CAST: variants seen among roughly 807,000 people sequenced by gnomAD.
CAST encodes the protein MIR583 host.
Under a neutral mutation model 119.6 loss-of-function variants are expected in CAST, and 76 were observed. The ratio of observed to expected loss-of-function variants is 0.64; its 90% confidence interval spans 0.53 to 0.77. The LOEUF is 0.77. Among genes scored for constraint, CAST ranks in the 30% least tolerant of loss-of-function variants. CAST has a pLI of 0.00. For synonymous variants in CAST, 319 were observed against 331.6 expected, an observed-to-expected ratio of 0.96 and a Z score of 0.41; for missense variants, 953 against 946.5, an observed-to-expected ratio of 1.01 and a Z score of -0.09.
the CAST span, among the ~76,000 whole-genome samples, chr5:95,980,927 C>T: frequency 1.3e-5 from 2 of 152,120 alleles, no homozygotes; most frequent in Non-Finnish European, 2.9e-5. Flanking sequence ...CATGAACATG[C>T]CATGGTGCTG....
At chr5:96,642,654 G>A (rs1266041868) in intron 1 of CAST, among the ~76,000 whole-genome samples, 3 of 151,126 alleles carry the variant, frequency 2.0e-5, no homozygotes, top group Non-Finnish European at 4.4e-5. Context: ...CAATTCTCGT[G>A]CTTCAGCCTC....
chr5:96,199,175 TGA>T, the CAST span, among the ~76,000 whole-genome samples: 2 of 152,190 alleles, frequency 1.3e-5, no homozygotes, highest in African/African-American at 4.8e-5. Context: ...TCTTTAAATT[TGA>T]GATTTAAGTA....
Position 96,746,410 on chromosome 5 carries a change from A to G in CAST, c.1269A>G (p.Arg423=), listed in dbSNP as rs1763772781. 3 of 1,605,240 alleles carry G rather than the reference A, an allele frequency of 1.9e-6. No individual in the cohort carries two copies. The East Asian group carries it at 6.7e-5, about 36-fold the overall frequency. The part of the protein sequence containing the change: ...EDDETIPSEY[R]LKPATDKDGK... Reference sequence around the variant, plus strand: ...ATGAAACAATCCCATCTGAGTACAGATTAAAACCAGCCACGGTAAATTTTT... The same window carrying G: ...ATGAAACAATCCCATCTGAGTACAGGTTAAAACCAGCCACGGTAAATTTTT... The change falls in exon 17 of 32, where the codon AGA becomes AGG. Residue 423 remains arginine (R), a synonymous_variant. Coordinates refer to ENST00000675179, the MANE Select transcript of CAST (RefSeq NM_001750.7).
At chr5:96,723,557 T>C (rs958540742) in intron 4 of CAST, among the ~76,000 whole-genome samples, 6 of 152,186 alleles carry the variant, frequency 3.9e-5, no homozygotes, top group African/African-American at 7.2e-5. Context: ...TTGGGATTTA[T>C]TCTTAAAATT....
the CAST span, among the ~76,000 whole-genome samples, chr5:96,092,995 G>A: frequency 1.3e-5 from 2 of 152,132 alleles, no homozygotes; most frequent in African/African-American, 2.4e-5. Flanking sequence ...TTCTCCTACA[G>A]TCAAGATTTA....
intron 1 of CAST, among the ~76,000 whole-genome samples, chr5:96,581,768 G>A (rs928758145): frequency 3.3e-5 from 5 of 152,086 alleles, no homozygotes; most frequent in African/African-American, 9.7e-5. Flanking sequence ...GCGGGTGCCT[G>A]TAGTCCCAGC....
chr5:96,345,064 A>G, the CAST span, among the ~76,000 whole-genome samples: 5 of 152,132 alleles, frequency 3.3e-5, no homozygotes, highest in African/African-American at 9.7e-5. Context: ...TGTATTTTGC[A>G]CATCGCTTTC....
At chr5:96,118,223 CT>C in the CAST span, among the ~76,000 whole-genome samples, 52 of 145,984 alleles carry the variant, frequency 3.6e-4, no homozygotes, top group Admixed American at 4.8e-4. Context: ...TTTTCTCTCT[CT>C]TTTTTTTTTT....
At chr5:96,140,446 G>A in the CAST span, among the ~76,000 whole-genome samples, 1 of 152,182 alleles carries the variant, frequency 6.6e-6, no homozygotes, top group East Asian at 1.9e-4. Flanking sequence ...GAATAATGCA[G>A]GTCTAAGATT....
intron 12 of CAST, 22 bp downstream of exon 12, chr5:96,740,140 T>G: frequency 1.9e-6 from 2 of 1,055,258 alleles, no homozygotes; most frequent in Non-Finnish European, 2.9e-6. Flanking sequence ...AATCATTTAC[T>G]TTTATTTCAC....
the CAST span, among the ~76,000 whole-genome samples, chr5:96,120,242 T>C: frequency 6.6e-6 from 1 of 152,114 alleles, no homozygotes; most frequent in Non-Finnish European, 1.5e-5. Context: ...AAGCCCTTGA[T>C]TCTCACCTTC....
At chr5:96,109,154 C>G in the CAST span, among the ~76,000 whole-genome samples, 1 of 152,218 alleles carries the variant, frequency 6.6e-6, no homozygotes, top group African/African-American at 2.4e-5. Flanking sequence ...AACCCGGTAC[C>G]TCAGATGGAA....
chr5:96,016,829 GTTTTTTTTTTTTTTTTT>G, the CAST span, among the ~76,000 whole-genome samples: 1 of 97,688 alleles, frequency 1.0e-5, no homozygotes, highest in East Asian at 3.0e-4. Flanking sequence ...GGTTATCTGG[GTTTTTTTTTTTTTTTTT>G]TTTTTTTTGA....
chr5:96,725,560 G>A (rs992212547), intron 4 of CAST, among the ~76,000 whole-genome samples: 1 of 152,222 alleles, frequency 6.6e-6, no homozygotes, highest in Non-Finnish European at 1.5e-5. Flanking sequence ...GTTGACACAT[G>A]AGAGGTGATT....
At chr5:96,614,084 G>A (rs1747412058) in intron 1 of CAST, among the ~76,000 whole-genome samples, 1 of 152,100 alleles carries the variant, frequency 6.6e-6, no homozygotes, top group African/African-American at 2.4e-5. Context: ...AAGTGACCAG[G>A]TAATACAAAT....
intron 1 of CAST, among the ~76,000 whole-genome samples, chr5:96,644,936 A>T (rs1747997026): frequency 6.6e-6 from 1 of 152,208 alleles, no homozygotes; most frequent in African/African-American, 2.4e-5. Context: ...AGATCGGGCC[A>T]CTGCACTCCA....
chr5:96,489,799 G>T, the CAST span, among the ~76,000 whole-genome samples: 17 of 152,092 alleles, frequency 1.1e-4, no homozygotes, highest in Non-Finnish European at 1.8e-4. Context: ...ACACAGCTGG[G>T]CTATGAGACG....
chr5:96,393,340 C>T, the CAST span: 1,892 of 1,614,078 alleles, frequency 1.2e-3, 24 homozygotes, highest in African/African-American at 0.021. Flanking sequence ...TTTTGGACAC[C>T]AGGGTGTTCT....
chr5:96,594,667 C>T (rs752931375), intron 1 of CAST, among the ~76,000 whole-genome samples: 1 of 152,128 alleles, frequency 6.6e-6, no homozygotes, highest in African/African-American at 2.4e-5. Context: ...GCTTATGTCA[C>T]CTTTTATCTG....
Sources: allele counts gnomAD v4.1 joint callset (sites outside exome capture counted in the v4.1 genomes callset), GRCh38; gene constraint gnomAD v4.1.1; transcripts MANE v1.5; gene names NCBI Gene and HGNC (gene_info 2026-07-23, HGNC 2026-07-21).